Variants in CROCC2 observed in about 807,000 individuals in gnomAD.
CROCC2 encodes the protein ciliary rootlet coiled-coil protein 2.
A neutral mutation model predicts 177.6 loss-of-function variants in CROCC2; 163 were observed. The observed-to-expected ratio is 0.92, with a 90% CI of 0.81 to 1.05. The LOEUF (loss-of-function observed/expected upper bound fraction) is 1.05, where lower values mean the gene tolerates loss of function less well. Ranked by LOEUF, CROCC2 falls within the 50% of genes least tolerant of loss-of-function variation. The pLI is 0.00. For missense variants in CROCC2, 1,929 were observed against 1,797.8 expected, an observed-to-expected ratio of 1.07 and a Z score of -1.32; for synonymous variants, 904 against 787.3, an observed-to-expected ratio of 1.15 and a Z score of -2.48.
chr2:240,952,845 G>A (rs1027265379), intron 18 of CROCC2, among the ~76,000 whole-genome samples: 1 of 152,142 alleles, frequency 6.6e-6, no homozygotes, highest in Non-Finnish European at 1.5e-5. Context: ...GCTGAGGCAG[G>A]GTCCATGCGA....
At chr2:240,946,632 C>A (rs2059526545) in intron 15 of CROCC2, among the ~76,000 whole-genome samples, 1 of 152,200 alleles carries the variant, frequency 6.6e-6, no homozygotes, top group Admixed American at 6.5e-5. Context: ...GCTTCTCTCT[C>A]CCTCAGCACA....
At chr2:240,980,247 C>T (rs2059789512) in intron 27 of CROCC2, among the ~76,000 whole-genome samples, 1 of 62,966 alleles carries the variant, frequency 1.6e-5, no homozygotes, top group Admixed American at 1.6e-4. Flanking sequence ...CCTGCTCAGT[C>T]TCTGGGGTAG....
At chr2:240,933,097 C>A in intron 9 of CROCC2, 34 bp from the exon 10 acceptor site, 1 of 1,548,574 alleles carries the variant, frequency 6.5e-7, no homozygotes, top group Non-Finnish European at 8.7e-7. Flanking sequence ...CCTGCCTAGG[C>A]CAGAGAGGCC....
chr2:240,940,419 T>C (rs1227987960), intron 14 of CROCC2, among the ~76,000 whole-genome samples: 1 of 152,200 alleles, frequency 6.6e-6, no homozygotes, highest in Admixed American at 6.5e-5. Flanking sequence ...TTTCTTATGC[T>C]TAGTGTTTCC....
intron 27 of CROCC2, among the ~76,000 whole-genome samples, chr2:240,971,611 G>A (rs1017223413): frequency 2.0e-5 from 3 of 152,132 alleles, no homozygotes; most frequent in Non-Finnish European, 4.4e-5. Context: ...AAATGTGGGC[G>A]TGTCGGCCCC....
intron 19 of CROCC2, chr2:240,957,860 C>T (rs1226633598): frequency 1.8e-6 from 1 of 540,808 alleles, no homozygotes; most frequent in African/African-American, 2.1e-5. Context: ...CCTCCCTCCT[C>T]CCGACCACTG....
In CROCC2 at chr2:240,968,226, C is replaced by T. The variant is rs1158863247; in HGVS notation, c.4365C>T (p.Ser1455=). 12 of 1,532,772 alleles carry T rather than the reference C, an allele frequency of 7.8e-6. No individual in the cohort carries two copies. Among genetic ancestry groups the T allele is most frequent in the Admixed American group, 3.9e-5 (2 of 50,862 alleles). 94.9% of individuals were successfully genotyped at this position (1,532,772 alleles called of 1,614,324 possible). Residue 1455 remains serine (S), a synonymous_variant, in exon 27 of 32, where the codon AGC becomes AGT. Transcript: ENST00000690015. Reference sequence around the variant, plus strand: ...GGCTGGAGTTGGAGCACCTGGCGAGCGTGCGTGCGGCAGGCCAGGAGAAGC... The same window carrying T: ...GGCTGGAGTTGGAGCACCTGGCGAGTGTGCGTGCGGCAGGCCAGGAGAAGC... ...LRRLELEHLA[S]VRAAGQEKRR...
At chr2:240,967,553 T>G in intron 26 of CROCC2, 88 bp downstream of exon 26, 1 of 1,522,376 alleles carries the variant, frequency 6.6e-7, no homozygotes, top group South Asian at 1.2e-5. Context: ...CTATAAGCTT[T>G]CAGTCCCTGG....
At chr2:240,922,848 A>C (rs2059365707) in intron 4 of CROCC2, among the ~76,000 whole-genome samples, 1 of 151,882 alleles carries the variant, frequency 6.6e-6, no homozygotes, top group Non-Finnish European at 1.5e-5. Context: ...GGGAAGGGGG[A>C]CTGACTTGAG....
In CROCC2 at chr2:240,934,339, G is replaced by A. The variant is rs747969023; in HGVS notation, c.1655G>A (p.Arg552His). 2.0e-4 allele frequency: 306 copies of A among 1,548,312 alleles called. No homozygotes were observed. The highest frequency in any genetic ancestry group is 2.5e-4 in the Non-Finnish European group (281 of 1,146,826). The change falls in exon 12 of 32, where the codon CGC becomes CAC. Residue 552 changes from arginine to histidine, a missense_variant. This residue lies in a region of CROCC2 where 1,397 missense variants were observed against 1,239.9 expected (regional missense o/e 1.13). Transcript: ENST00000690015. ...CTGGTCTGGGGCCTCAGTCAAGGCC[G>A]CCTGCAGCAGCTGGAGGAGAAGGTC... ...SCRALETSQG[R>H]LQQLEEKVSG...
chr2:240,988,015 A>G (rs2059851749), intron 28 of CROCC2, among the ~76,000 whole-genome samples: 1 of 152,198 alleles, frequency 6.6e-6, no homozygotes, highest in South Asian at 2.1e-4. Context: ...GCTCTCTGTA[A>G]GAGAGAACTC....
intron 12 of CROCC2, 94 bp downstream of exon 12, chr2:240,934,569 C>A: frequency 7.7e-7 from 1 of 1,294,112 alleles, no homozygotes; most frequent in Non-Finnish European, 1.1e-6. Context: ...TCTCTCCTGC[C>A]TGCCGGGCCC....
chr2:240,962,072 ACT>A (rs1491365880), intron 20 of CROCC2, among the ~76,000 whole-genome samples: 1 of 110,510 alleles, frequency 9.0e-6, no homozygotes, highest in African/African-American at 3.7e-5. Context: ...ACTCACACGC[ACT>A]CACACTCACA....
chr2:240,927,854 T>A (rs959751344), intron 5 of CROCC2, among the ~76,000 whole-genome samples: 4 of 152,260 alleles, frequency 2.6e-5, no homozygotes, highest in African/African-American at 9.6e-5. Context: ...TTTCACAATG[T>A]TGACCAGGCT....
intron 27 of CROCC2, among the ~76,000 whole-genome samples, chr2:240,981,109 G>T (rs1356963352): frequency 7.3e-6 from 1 of 137,080 alleles, no homozygotes; most frequent in Non-Finnish European, 1.5e-5. Flanking sequence ...AGTCTCTGGG[G>T]TAGGAGCCTC....
chr2:240,919,178 C>T (rs1194895923), intron 2 of CROCC2, among the ~76,000 whole-genome samples: 5 of 151,172 alleles, frequency 3.3e-5, no homozygotes. Context: ...AAGGTGACGG[C>T]GTGGGGGACA....
intron 29 of CROCC2, 64 bp downstream of exon 29, chr2:240,988,934 G>T (rs2059858635): frequency 7.5e-7 from 1 of 1,334,838 alleles, no homozygotes; most frequent in African/African-American, 1.5e-5. Flanking sequence ...GTGGGATCCA[G>T]GAGGGTGTCA....
chr2:240,951,663 T>C (rs2059557554), intron 18 of CROCC2, among the ~76,000 whole-genome samples: 1 of 151,314 alleles, frequency 6.6e-6, no homozygotes, highest in Non-Finnish European at 1.5e-5. Flanking sequence ...CACACAGCTA[T>C]CCACAACCCA....
chr2:240,922,879 C>T (rs1355229023), intron 4 of CROCC2, among the ~76,000 whole-genome samples: 1 of 152,100 alleles, frequency 6.6e-6, no homozygotes, highest in Non-Finnish European at 1.5e-5. Context: ...GTGTGGGGGC[C>T]TGCAGCGCGC....
Sources: gnomAD v4.1 joint callset for allele counts (sites outside exome capture counted in the v4.1 genomes callset) on GRCh38, gnomAD v4.1.1 for gene constraint, gnomAD v4.1.1 regional missense constraint, MANE v1.5 for transcripts, NCBI Gene and HGNC (gene_info 2026-07-23, HGNC 2026-07-21) for gene names.